The following NT5DC1 variants were observed in gnomAD, a reference collection of about 807,000 sequenced individuals.
The protein encoded by NT5DC1 is 5'-nucleotidase domain containing 1, also known as 5'-nucleotidase domain-containing protein 1.
NT5DC1 carries 42 observed loss-of-function variants against 59.4 expected under a neutral mutation model. That is an observed-to-expected ratio of 0.71 (90% CI 0.55 to 0.92). The LOEUF (loss-of-function observed/expected upper bound fraction) is 0.92, where lower values mean the gene tolerates loss of function less well. NT5DC1 is among the 40% of genes least tolerant of loss of function. The pLI is 0.00. For missense variants in NT5DC1, 501 were observed against 537.1 expected, an observed-to-expected ratio of 0.93 and a Z score of 0.66; for synonymous variants, 172 against 188.1, an observed-to-expected ratio of 0.91 and a Z score of 0.70.
chr6:116,120,909 G>A, intron 6 of NT5DC1: 1 of 1,613,898 alleles, frequency 6.2e-7, no homozygotes, highest in Non-Finnish European at 8.5e-7. Context: ...GGTAACCCTG[G>A]GTTACCCTTA....
At chr6:116,104,032 A>G (rs1778716351) in intron 1 of NT5DC1, among the ~76,000 whole-genome samples, 1 of 152,190 alleles carries the variant, frequency 6.6e-6, no homozygotes. Context: ...CAACTGCAGT[A>G]GAACGTGTAT....
At position 116,120,699 on chromosome 6, in the gene NT5DC1, C is replaced by T. The variant is rs754588076; in HGVS notation, c.529+2754C>T. 1.0e-5 allele frequency: 16 copies of T among 1,553,906 alleles called. No individual in the cohort carries two copies. In the South Asian group the frequency reaches 1.4e-4, roughly 13 times the overall value. On this transcript the variant is annotated intron_variant, in intron 6 of 11. Coordinates refer to ENST00000319550, the MANE Select transcript of NT5DC1 (RefSeq NM_152729.3). ...GCTATGCCAGCTGGGCCAGGAGGACCGGGACTTCCTGGATCCCCTTTAGAC... is the reference window on the plus strand; with the variant it reads ...GCTATGCCAGCTGGGCCAGGAGGACTGGGACTTCCTGGATCCCCTTTAGAC...
At chr6:116,209,865 T>A (rs554129455) in intron 6 of NT5DC1, among the ~76,000 whole-genome samples, 2 of 152,116 alleles carry the variant, frequency 1.3e-5, no homozygotes, top group South Asian at 4.1e-4. Flanking sequence ...AGCATTTGAT[T>A]TCTGCTTCTG....
At chr6:116,181,377 T>A (rs1444657301) in intron 6 of NT5DC1, among the ~76,000 whole-genome samples, 1 of 152,102 alleles carries the variant, frequency 6.6e-6, no homozygotes, top group Non-Finnish European at 1.5e-5. Flanking sequence ...ATTGGAATTA[T>A]CAGTTTAATT....
chr6:116,200,979 G>A (rs1379411225), intron 6 of NT5DC1, among the ~76,000 whole-genome samples: 1 of 151,874 alleles, frequency 6.6e-6, no homozygotes, highest in African/African-American at 2.4e-5. Context: ...TAGTTTCTTT[G>A]TTCTCAAGAG....
chr6:116,166,545 T>G (rs564025707), intron 6 of NT5DC1, among the ~76,000 whole-genome samples: 11 of 152,208 alleles, frequency 7.2e-5, no homozygotes, highest in Non-Finnish European at 1.6e-4. Flanking sequence ...TGTTGGGCCA[T>G]CAGAGAGTGA....
At chr6:116,225,578 C>A (rs1242930485) in intron 8 of NT5DC1, among the ~76,000 whole-genome samples, 4 of 152,164 alleles carry the variant, frequency 2.6e-5, no homozygotes. Context: ...AAGGAGAAAT[C>A]TTCCCTGGGG....
chr6:116,239,002 T>C lies in NT5DC1; in HGVS notation c.1131T>C (p.Ser377=), dbSNP rs1295836050. 2 of 1,605,054 alleles carry C rather than the reference T, an allele frequency of 1.2e-6. No individual in the cohort carries two copies. ...PLNTSSKKWG[S]FFIDSVLGLE... ...ATACTTCATCTAAAAAATGGGGCTC[T>C]TTTTTTATTGATTCAGTTTTGGGAC... is the stretch of plus-strand genomic sequence containing the variant. Residue 377 remains serine (S), a synonymous_variant, in exon 11 of 12, where the codon TCT becomes TCC. Coordinates refer to ENST00000319550, the MANE Select transcript of NT5DC1 (RefSeq NM_152729.3).
chr6:116,225,964 C>A (rs532304888), intron 8 of NT5DC1, among the ~76,000 whole-genome samples: 56 of 152,210 alleles, frequency 3.7e-4, no homozygotes, highest in African/African-American at 1.3e-3. Context: ...TGCTGCTAAG[C>A]AGCCTACAGC....
chr6:116,195,253 A>G (rs1391967646), intron 6 of NT5DC1, among the ~76,000 whole-genome samples: 2 of 152,106 alleles, frequency 1.3e-5, no homozygotes, highest in Admixed American at 6.6e-5. Flanking sequence ...TGCTTAGAAA[A>G]TAACTTGCAT....
rs1488647579 is a variant in NT5DC1 at position 116,118,048 on chromosome 6, A to T, written c.529+103A>T. 9 of 724,098 alleles carry T rather than the reference A, an allele frequency of 1.2e-5. No individual in the cohort carries two copies. In the Admixed American group the frequency reaches 1.7e-4, roughly 13 times the overall value. 44.9% of individuals were successfully genotyped at this position (724,098 alleles called of 1,614,324 possible). A position where few individuals can be genotyped will look rare whatever the true frequency, so the allele number is the denominator to read the frequency against. ...TACTTTGCTGTGTATCTTACTTAGG[A>T]TTTAATTTAAGCTTAAATATTATTA... On this transcript the variant is annotated intron_variant, in intron 6 of 11. Transcript: ENST00000319550.
At chr6:116,114,575 T>C (rs4945551) in intron 4 of NT5DC1, among the ~76,000 whole-genome samples, 81,099 of 143,114 alleles carry the variant, frequency 0.57, 23,224 homozygotes, top group African/African-American at 0.63. Context: ...TAATGATGTA[T>C]TCAAGCACCT....
intron 6 of NT5DC1, among the ~76,000 whole-genome samples, chr6:116,140,157 T>G (rs181422716): frequency 1.4e-4 from 22 of 152,334 alleles, no homozygotes; most frequent in African/African-American, 4.8e-4. Context: ...TACTTTGGCA[T>G]TTTTCCACCA....
intron 8 of NT5DC1, among the ~76,000 whole-genome samples, chr6:116,235,311 C>T (rs748571893): frequency 3.3e-5 from 5 of 152,186 alleles, no homozygotes; most frequent in African/African-American, 7.2e-5. Context: ...TACTGTGTTT[C>T]TCCAGGAATA....
intron 6 of NT5DC1, among the ~76,000 whole-genome samples, chr6:116,171,749 G>A (rs1780611555): frequency 1.3e-5 from 2 of 152,202 alleles, no homozygotes; most frequent in African/African-American, 4.8e-5. Context: ...CCCATGGTAA[G>A]AACAGTGGAG....
intron 8 of NT5DC1, among the ~76,000 whole-genome samples, chr6:116,228,028 A>C (rs1781943544): frequency 6.6e-6 from 1 of 152,198 alleles, no homozygotes; most frequent in South Asian, 2.1e-4. Context: ...AGAAAGTCTG[A>C]TAAAAATTTC....
intron 6 of NT5DC1, among the ~76,000 whole-genome samples, chr6:116,144,499 CAAA>C (rs542743486): frequency 8.0e-6 from 1 of 125,002 alleles, no homozygotes; most frequent in African/African-American, 2.9e-5. Context: ...GACTCCGTCT[CAAA>C]AAAAAAAAAA....
chr6:116,182,553 T>C lies in NT5DC1; in HGVS notation c.530-38501T>C, dbSNP rs142223758. Among the ~76,000 whole-genome samples, 831 of 152,220 alleles carry C rather than the reference T, an allele frequency of 5.5e-3. 6 individuals carry two copies. The highest frequency in any genetic ancestry group is 8.8e-3 in the Non-Finnish European group (596 of 67,994). ...CCACATCCACGCCAACACCTATTTTTTTTTATTTTTTGATTATGGCCATTG... is the reference window on the plus strand; with the variant it reads ...CCACATCCACGCCAACACCTATTTTCTTTTATTTTTTGATTATGGCCATTG... On this transcript the variant is annotated intron_variant, in intron 6 of 11. Transcript: ENST00000319550.
intron 6 of NT5DC1, among the ~76,000 whole-genome samples, chr6:116,195,742 C>A (rs1781210643): frequency 6.6e-6 from 1 of 151,940 alleles, no homozygotes; most frequent in African/African-American, 2.4e-5. Context: ...GAAGTGTAGG[C>A]AGATTTAGAT....
Sources: allele counts gnomAD v4.1 joint callset (sites outside exome capture counted in the v4.1 genomes callset), GRCh38; gene constraint gnomAD v4.1.1; transcripts MANE v1.5; gene names NCBI Gene and HGNC (gene_info 2026-07-23, HGNC 2026-07-21).